NTNG1: variants seen among roughly 807,000 people sequenced by gnomAD.
NTNG1 encodes the protein netrin-G1.
NTNG1 carries 16 observed loss-of-function variants against 54.0 expected under a neutral mutation model. The observed-to-expected ratio is 0.30, with a 90% CI of 0.20 to 0.45. The LOEUF is 0.45. Among genes scored for constraint, NTNG1 ranks in the 20% least tolerant of loss-of-function variants. NTNG1 has a pLI of 1.00. For missense variants in NTNG1, 530 were observed against 678.7 expected, an observed-to-expected ratio of 0.78 and a Z score of 2.43; for synonymous variants, 255 against 263.1, an observed-to-expected ratio of 0.97 and a Z score of 0.30.
Position 107,314,189 on chromosome 1 carries a change from G to A in NTNG1, c.247-10093G>A, listed in dbSNP as rs1403823694. ...GGAGGCCGAGGCAGGCTGGTCATGA[G>A]TTCAGGAGATCGAGACCATCCTGGC... On this transcript the variant is annotated intron_variant, in intron 2 of 7. Coordinates refer to ENST00000370068, the MANE Select transcript of NTNG1 (RefSeq NM_001113226.3). 2.0e-5 allele frequency among the ~76,000 whole-genome samples: 3 copies of A among 152,100 alleles called. No individual in the cohort carries two copies. The East Asian group carries it at 5.8e-4, about 29-fold the overall frequency.
At position 107,456,947 on chromosome 1, in the gene NTNG1, A is replaced by G. The variant is rs75907188; in HGVS notation, c.1390+20148A>G. ...TTGTGTCATATAAATCAATATACTG[A>G]TGAATTAATAATTCTTCTGCAGAAA... On this transcript the variant is annotated intron_variant, in intron 7 of 7. Transcript: ENST00000370068. 5.0e-3 allele frequency among the ~76,000 whole-genome samples: 760 copies of G among 152,346 alleles called. 11 individuals are homozygous for G. The highest frequency in any genetic ancestry group is 0.017 in the African/African-American group (687 of 41,582).
chr1:107,272,135 C>T (rs1664186586), intron 2 of NTNG1, among the ~76,000 whole-genome samples: 1 of 152,064 alleles, frequency 6.6e-6, no homozygotes, highest in African/African-American at 2.4e-5. Flanking sequence ...GTGTCAATAC[C>T]ATGCTTTTGC....
At chr1:107,446,528 C>T (rs1365753273) in intron 7 of NTNG1, among the ~76,000 whole-genome samples, 1 of 152,050 alleles carries the variant, frequency 6.6e-6, no homozygotes, top group East Asian at 1.9e-4. Flanking sequence ...AAAATACATA[C>T]AGAACGTGTT....
In NTNG1 at chr1:107,427,141, T is replaced by G. The variant is rs924918685; in HGVS notation, c.1088-3609T>G. On this transcript the variant is annotated intron_variant, in intron 5 of 7. Transcript: ENST00000370068. ...TGTCAGCAAACAGAGATAATTTGAT[T>G]TCCTCTTTTCCAATTTGAATGCCTT... is the stretch of plus-strand genomic sequence containing the variant. Among the ~76,000 whole-genome samples, 15 of 152,258 alleles carry G rather than the reference T, an allele frequency of 9.9e-5. No homozygotes were observed. In the East Asian group the frequency reaches 2.9e-3, roughly 29 times the overall value.
At chr1:107,353,559 A>G (rs1421693844) in intron 3 of NTNG1, among the ~76,000 whole-genome samples, 1 of 152,048 alleles carries the variant, frequency 6.6e-6, no homozygotes, top group Non-Finnish European at 1.5e-5. Context: ...GAAAGTTTGG[A>G]AGTTCCAAAC....
chr1:107,268,620 T>G (rs1195179030), intron 2 of NTNG1, among the ~76,000 whole-genome samples: 1 of 152,160 alleles, frequency 6.6e-6, no homozygotes, highest in Non-Finnish European at 1.5e-5. Flanking sequence ...AACTATATGT[T>G]GATAAGCCCC....
intron 7 of NTNG1, among the ~76,000 whole-genome samples, chr1:107,452,591 G>C (rs565480293): frequency 6.6e-6 from 1 of 152,250 alleles, no homozygotes; most frequent in African/African-American, 2.4e-5. Flanking sequence ...TAGTGAGTGA[G>C]TCCTCCTTCT....
chr1:107,262,816 T>C (rs1053160566), intron 2 of NTNG1, among the ~76,000 whole-genome samples: 2 of 152,234 alleles, frequency 1.3e-5, no homozygotes, highest in African/African-American at 4.8e-5. Flanking sequence ...AATAAAGGGT[T>C]ATTCATAATC....
intron 2 of NTNG1, among the ~76,000 whole-genome samples, chr1:107,206,940 G>GTAC (rs1164334239): frequency 1.3e-5 from 2 of 152,110 alleles, no homozygotes; most frequent in Non-Finnish European, 1.5e-5. Flanking sequence ...AGAAGCTGAT[G>GTAC]TATAGTACTT....
At chr1:107,312,479 G>A (rs1027042055) in intron 2 of NTNG1, among the ~76,000 whole-genome samples, 3 of 146,748 alleles carry the variant, frequency 2.0e-5, no homozygotes, top group Non-Finnish European at 4.5e-5. Flanking sequence ...AGAAGTCAAG[G>A]CTCACAATGT....
Position 107,267,437 on chromosome 1 carries a change from A to G in NTNG1, c.247-56845A>G, listed in dbSNP as rs769361476. 2.6e-5 allele frequency among the ~76,000 whole-genome samples: 4 copies of G among 152,224 alleles called. 1 individual carries two copies. The highest frequency in any genetic ancestry group is 4.8e-5 in the African/African-American group (2 of 41,458). ...GGTGACTGAGCTAATGCAAGAATCA[A>G]TATCAACCCAGTTGTTCAAACTGAA... is the stretch of plus-strand genomic sequence containing the variant. On this transcript the variant is annotated intron_variant, in intron 2 of 7. Coordinates refer to ENST00000370068, the MANE Select transcript of NTNG1 (RefSeq NM_001113226.3).
At chr1:107,280,853 CTTATTTTATT>C (rs71275980) in intron 2 of NTNG1, among the ~76,000 whole-genome samples, 69,920 of 145,038 alleles carry the variant, frequency 0.48, 17,954 homozygotes, top group East Asian at 0.73. Context: ...AGTCCTCTGA[CTTATTTTATT>C]TTATTTTATT....
At chr1:107,349,598 C>G (rs1301172078) in intron 3 of NTNG1, among the ~76,000 whole-genome samples, 1 of 152,282 alleles carries the variant, frequency 6.6e-6, no homozygotes, top group South Asian at 2.1e-4. Flanking sequence ...ACACTCACAT[C>G]TAGGATAACC....
At chr1:107,457,050 A>C (rs1200383869) in intron 7 of NTNG1, among the ~76,000 whole-genome samples, 1 of 152,254 alleles carries the variant, frequency 6.6e-6, no homozygotes, top group Non-Finnish European at 1.5e-5. Context: ...TAGTACAACT[A>C]GGTTATATTA....
rs186529373 is a variant in NTNG1, at chr1:107,215,216, G to A, written c.246+66377G>A. On this transcript the variant is annotated intron_variant, in intron 2 of 7. Transcript: ENST00000370068. Reference sequence around the variant, plus strand: ...TGAAGTCATTGCCTGAGCCAATGTCGAGAAGTGTTTTTCCAAAGTTATCTT... The same window carrying A: ...TGAAGTCATTGCCTGAGCCAATGTCAAGAAGTGTTTTTCCAAAGTTATCTT... Among the ~76,000 whole-genome samples, 19 of 152,152 alleles carry A rather than the reference G, an allele frequency of 1.2e-4. 1 individual carries two copies. In the East Asian group the frequency reaches 3.3e-3, roughly 26 times the overall value.
intron 5 of NTNG1, among the ~76,000 whole-genome samples, chr1:107,418,189 A>T (rs1211745570): frequency 6.6e-6 from 1 of 152,078 alleles, no homozygotes; most frequent in Admixed American, 6.6e-5. Flanking sequence ...CATATCTGTA[A>T]ATATAAATTG....
intron 3 of NTNG1, among the ~76,000 whole-genome samples, chr1:107,334,351 G>T (rs1234679093): frequency 1.3e-5 from 2 of 151,824 alleles, no homozygotes; most frequent in African/African-American, 2.4e-5. Context: ...TACTCATTTG[G>T]TGCTAACAGA....
At chr1:107,280,579 T>C (rs1664783505) in intron 2 of NTNG1, among the ~76,000 whole-genome samples, 1 of 150,518 alleles carries the variant, frequency 6.6e-6, no homozygotes, top group African/African-American at 2.4e-5. Flanking sequence ...TATATAAGAG[T>C]CAAGGTTTGG....
At chr1:107,320,947 A>T (rs978034814) in intron 2 of NTNG1, among the ~76,000 whole-genome samples, 1 of 152,092 alleles carries the variant, frequency 6.6e-6, no homozygotes, top group African/African-American at 2.4e-5. Flanking sequence ...GCTGCTGAAA[A>T]TATCACTAAG....
Sources: gnomAD v4.1 joint callset for allele counts (sites outside exome capture counted in the v4.1 genomes callset) on GRCh38, gnomAD v4.1.1 for gene constraint, MANE v1.5 for transcripts, NCBI Gene and HGNC (gene_info 2026-07-23, HGNC 2026-07-21) for gene names.